AFAP1: variants seen among roughly 807,000 people sequenced by gnomAD.
AFAP1 encodes actin filament-associated protein 1.
A neutral mutation model predicts 93.9 loss-of-function variants in AFAP1; 75 were observed. The ratio of observed to expected loss-of-function variants is 0.80; its 90% CI spans 0.66 to 0.97. AFAP1 has a LOEUF of 0.97. Ranked by LOEUF, AFAP1 falls within the 50% of genes least tolerant of loss-of-function variation. The pLI is 0.00. For synonymous variants in AFAP1, 517 were observed against 430.7 expected, an observed-to-expected ratio of 1.20 and a Z score of -2.48; for missense variants, 1,201 against 1,050.8, an observed-to-expected ratio of 1.14 and a Z score of -1.98.
At chr4:7,800,731 G>T in intron 9 of AFAP1, 78 bp from the exon 10 acceptor site, 1 of 1,394,566 alleles carries the variant, frequency 7.2e-7, no homozygotes, top group South Asian at 1.2e-5. Flanking sequence ...TCACACTGAG[G>T]AGGCCCAGGG....
intron 6 of AFAP1, among the ~76,000 whole-genome samples, chr4:7,824,373 CTT>C (rs1458988755): frequency 6.6e-6 from 1 of 152,048 alleles, no homozygotes; most frequent in Admixed American, 6.6e-5. Flanking sequence ...AATATTGGCT[CTT>C]GTCTTCTGTT....
At chr4:7,882,729 C>T (rs771884700) in intron 1 of AFAP1, among the ~76,000 whole-genome samples, 2 of 152,096 alleles carry the variant, frequency 1.3e-5, no homozygotes, top group East Asian at 3.9e-4. Context: ...CGTGGTGGCA[C>T]GTGCTTGTAA....
chr4:7,831,267 C>A (rs927294058), intron 6 of AFAP1, among the ~76,000 whole-genome samples: 3 of 151,874 alleles, frequency 2.0e-5, no homozygotes, highest in Admixed American at 6.6e-5. Context: ...GATTCCTGTA[C>A]CATTATATGT....
At chr4:7,827,397 C>A (rs1721520812) in intron 6 of AFAP1, among the ~76,000 whole-genome samples, 1 of 151,682 alleles carries the variant, frequency 6.6e-6, no homozygotes, top group African/African-American at 2.4e-5. Flanking sequence ...CATAGAGAAA[C>A]CCCGTCTCTA....
At chr4:7,766,811 C>A (rs1309353790) in intron 17 of AFAP1, among the ~76,000 whole-genome samples, 1 of 152,118 alleles carries the variant, frequency 6.6e-6, no homozygotes, top group Non-Finnish European at 1.5e-5. Flanking sequence ...TGGAGCTGTG[C>A]CTGGTGGGTG....
intron 9 of AFAP1, among the ~76,000 whole-genome samples, chr4:7,807,853 A>G (rs1299839147): frequency 6.6e-6 from 1 of 152,210 alleles, no homozygotes; most frequent in Non-Finnish European, 1.5e-5. Context: ...GGGTCCTCGC[A>G]TCTGCCCCTG....
intron 6 of AFAP1, among the ~76,000 whole-genome samples, chr4:7,833,631 C>A (rs989880934): frequency 1.3e-5 from 2 of 150,450 alleles, no homozygotes; most frequent in African/African-American, 4.9e-5. Context: ...CCCTGTCACC[C>A]AGGCTGGAGT....
chr4:7,839,819 G>A (rs1712772905), intron 5 of AFAP1, among the ~76,000 whole-genome samples: 2 of 152,272 alleles, frequency 1.3e-5, no homozygotes, highest in Middle Eastern at 6.8e-3. Flanking sequence ...AACAGTCCAA[G>A]AGGGCAGATC....
rs184162679 is a variant in AFAP1 at position 7,936,411 on chromosome 4, T to C, written c.-3+3245A>G. On this transcript the variant is annotated intron_variant, in intron 1 of 17. Transcript: ENST00000420658. The stretch of plus-strand genomic sequence containing the variant: ...CATGATTATAGCTCACTGCAGTCTC[T>C]AATCTTGGGCTCAAGTGATCCTCCT... 2.1e-3 allele frequency among the ~76,000 whole-genome samples: 313 copies of C among 151,404 alleles called. 7 individuals are homozygous for C. The highest frequency in any genetic ancestry group is 7.0e-3 in the African/African-American group (284 of 40,748).
chr4:7,916,605 C>A (rs1720097242), intron 1 of AFAP1, among the ~76,000 whole-genome samples: 1 of 152,080 alleles, frequency 6.6e-6, no homozygotes, highest in African/African-American at 2.4e-5. Context: ...ACTCCCCTCC[C>A]CCTCCTGCAG....
intron 5 of AFAP1, among the ~76,000 whole-genome samples, chr4:7,840,274 GTGTGTGTGTGTGT>G: frequency 7.8e-6 from 1 of 128,816 alleles, no homozygotes; most frequent in Admixed American, 7.5e-5. Flanking sequence ...GTGTGTGTGT[GTGTGTGTGTGTGT>G]TCCTGGTTTG....
At chr4:7,768,163 C>G (rs536449804) in intron 17 of AFAP1, among the ~76,000 whole-genome samples, 1 of 152,244 alleles carries the variant, frequency 6.6e-6, no homozygotes, top group Non-Finnish European at 1.5e-5. Context: ...GGGGCGGGGC[C>G]GGCCACACTC....
chr4:7,848,638 G>T (rs1188197163), intron 4 of AFAP1, among the ~76,000 whole-genome samples: 1 of 151,984 alleles, frequency 6.6e-6, no homozygotes, highest in Non-Finnish European at 1.5e-5. Context: ...CCTACACTGA[G>T]GGTGGGTCTT....
intron 1 of AFAP1, among the ~76,000 whole-genome samples, chr4:7,906,048 C>T (rs1197373172): frequency 1.3e-5 from 2 of 152,154 alleles, no homozygotes; most frequent in African/African-American, 2.4e-5. Context: ...CCTCAATGCT[C>T]CAAAATGAAT....
intron 1 of AFAP1, among the ~76,000 whole-genome samples, chr4:7,912,204 A>G (rs935544100): frequency 6.6e-6 from 1 of 152,198 alleles, no homozygotes. Flanking sequence ...TCACCTGCTG[A>G]GTGGTGTCCG....
intron 15 of AFAP1, chr4:7,774,040 T>C (rs1458360714): frequency 6.6e-6 from 1 of 152,352 alleles, no homozygotes; most frequent in Non-Finnish European, 1.5e-5. Context: ...AAGGAGCCAG[T>C]CTTCCGTAGT....
At chr4:7,873,593 C>T (rs554638139) in intron 1 of AFAP1, among the ~76,000 whole-genome samples, 2 of 152,076 alleles carry the variant, frequency 1.3e-5, no homozygotes, top group Admixed American at 1.3e-4. Context: ...CGTGATCCAC[C>T]CATCTGGGCC....
chr4:7,782,171 G>A (rs534027712), intron 12 of AFAP1, among the ~76,000 whole-genome samples: 6 of 152,328 alleles, frequency 3.9e-5, no homozygotes, highest in South Asian at 2.1e-4. Flanking sequence ...ACAGTCATCC[G>A]GGGAAAAAGG....
At chr4:7,925,539 C>A (rs1159830927) in intron 1 of AFAP1, among the ~76,000 whole-genome samples, 1 of 151,748 alleles carries the variant, frequency 6.6e-6, no homozygotes, top group African/African-American at 2.4e-5. Flanking sequence ...AAGGAAAAAC[C>A]CCATTCTTAC....
Sources: allele counts gnomAD v4.1 joint callset (sites outside exome capture counted in the v4.1 genomes callset), GRCh38; gene constraint gnomAD v4.1.1; transcripts MANE v1.5; gene names NCBI Gene and HGNC (gene_info 2026-07-23, HGNC 2026-07-21).